The following SPSB4 variants were observed in gnomAD, a reference collection of about 807,000 sequenced individuals.
SPSB4 encodes the protein SPRY domain-containing SOCS box protein 4.
In SPSB4, 21 loss-of-function variants were observed where a neutral mutation model predicts 20.9. The ratio of observed to expected loss-of-function variants is 1.01; its 90% CI spans 0.71 to 1.45. The LOEUF (loss-of-function observed/expected upper bound fraction) is 1.45, where lower values mean the gene tolerates loss of function less well. Ranked by LOEUF, SPSB4 falls within the 40% of genes most tolerant of loss-of-function variation. The probability of loss-of-function intolerance (pLI) is 0.00; values close to 1 mark genes in which losing one functional copy is unlikely to be tolerated. For missense variants in SPSB4, 399 were observed against 399.2 expected (o/e 1.00, Z 0.00); for synonymous variants, 207 against 183.8 (o/e 1.13, Z -1.02).
At chr3:141,112,218 T>C (rs1480855770) in intron 2 of SPSB4, among the ~76,000 whole-genome samples, 1 of 152,198 alleles carries the variant, frequency 6.6e-6, no homozygotes, top group Non-Finnish European at 1.5e-5. Flanking sequence ...AGGGTTGTTA[T>C]GAGGATTAAA....
At chr3:141,099,493 C>CA (rs1938587022) in intron 2 of SPSB4, among the ~76,000 whole-genome samples, 1 of 152,036 alleles carries the variant, frequency 6.6e-6, no homozygotes, top group African/African-American at 2.4e-5. Context: ...ATACATTTAC[C>CA]ACCCATGTTA....
rs569939756 is a variant in SPSB4, at chr3:141,060,557, G to A, written c.-153-5395G>A. ...AGCCCGGGCTGCTATTGCAAAGAGTGCTGCGTATGTATGCAGTATGTATGC... is the reference window on the plus strand; with the variant it reads ...AGCCCGGGCTGCTATTGCAAAGAGTACTGCGTATGTATGCAGTATGTATGC... On this transcript the variant is annotated intron_variant, in intron 1 of 2. Transcript: ENST00000310546. Among the ~76,000 whole-genome samples the A allele has an allele frequency of 3.9e-5, 6 of 152,342 alleles. No individual in the cohort carries two copies. The South Asian group carries it at 1.2e-3, about 32-fold the overall frequency.
intron 2 of SPSB4, among the ~76,000 whole-genome samples, chr3:141,144,865 A>T (rs1939387554): frequency 6.6e-6 from 1 of 152,224 alleles, no homozygotes; most frequent in African/African-American, 2.4e-5. Flanking sequence ...CATTAAAGTG[A>T]TAAGAAAATC....
intron 2 of SPSB4, among the ~76,000 whole-genome samples, chr3:141,102,908 C>A (rs1938633795): frequency 6.6e-6 from 1 of 152,140 alleles, no homozygotes; most frequent in South Asian, 2.1e-4. Context: ...GAGGAAGAGG[C>A]CACATCTCTG....
chr3:141,141,642 C>G (rs1160612160), intron 2 of SPSB4, among the ~76,000 whole-genome samples: 1 of 152,218 alleles, frequency 6.6e-6, no homozygotes, highest in Non-Finnish European at 1.5e-5. Context: ...CTTTGAATAC[C>G]TGATAGAATT....
intron 1 of SPSB4, among the ~76,000 whole-genome samples, chr3:141,065,512 C>T (rs986326185): frequency 6.6e-6 from 1 of 152,214 alleles, no homozygotes; most frequent in African/African-American, 2.4e-5. Context: ...CTCATCCAGG[C>T]TCTGACCTTG....
intron 2 of SPSB4, among the ~76,000 whole-genome samples, chr3:141,071,617 C>T (rs568211992): frequency 7.2e-5 from 11 of 152,298 alleles, no homozygotes; most frequent in Admixed American, 3.9e-4. Context: ...CACAGCTGTG[C>T]TTATACCCAG....
At chr3:141,070,145 G>A (rs1937969741) in intron 2 of SPSB4, among the ~76,000 whole-genome samples, 1 of 152,182 alleles carries the variant, frequency 6.6e-6, no homozygotes, top group African/African-American at 2.4e-5. Context: ...AGTGAACTGA[G>A]AAGTATGGAG....
At chr3:141,127,842 T>G (rs1217120300) in intron 2 of SPSB4, among the ~76,000 whole-genome samples, 1 of 152,200 alleles carries the variant, frequency 6.6e-6, no homozygotes, top group Non-Finnish European at 1.5e-5. Flanking sequence ...AAATATTCTC[T>G]TAGGCCCTGC....
At chr3:141,088,913 A>G (rs1938400024) in intron 2 of SPSB4, among the ~76,000 whole-genome samples, 1 of 152,146 alleles carries the variant, frequency 6.6e-6, no homozygotes, top group African/African-American at 2.4e-5. Context: ...TTTCTCATAG[A>G]GCTCCACAGA....
At chr3:141,092,798 G>A (rs778393383) in intron 2 of SPSB4, among the ~76,000 whole-genome samples, 3 of 152,214 alleles carry the variant, frequency 2.0e-5, no homozygotes, top group Non-Finnish European at 2.9e-5. Context: ...GGCAGTGCAC[G>A]CTCACTGTCT....
In SPSB4 at chr3:141,068,762, C is replaced by T. The variant is rs557040306; in HGVS notation, c.694+1964C>T. 3.7e-4 allele frequency among the ~76,000 whole-genome samples: 56 copies of T among 152,328 alleles called. 1 individual carries two copies. The East Asian group carries it at 6.4e-3, about 17-fold the overall frequency. On this transcript the variant is annotated intron_variant, in intron 2 of 2. Transcript: ENST00000310546. ...CCAAGAGTTACACTCCTGTTGTAGG[C>T]TTCCTCTTGGCTATTAATTCACTTG...
intron 1 of SPSB4, among the ~76,000 whole-genome samples, chr3:141,056,054 G>A (rs973694871): frequency 6.6e-6 from 1 of 152,236 alleles, no homozygotes; most frequent in African/African-American, 2.4e-5. Flanking sequence ...CAATGGACTT[G>A]GGGGTGCCCC....
intron 2 of SPSB4, among the ~76,000 whole-genome samples, chr3:141,072,233 G>A (rs1211732693): frequency 2.0e-5 from 3 of 152,250 alleles, no homozygotes; most frequent in Admixed American, 6.5e-5. Flanking sequence ...CTTTCCCCAA[G>A]TGGTTATGAA....
intron 2 of SPSB4, among the ~76,000 whole-genome samples, chr3:141,134,056 C>CTTTTTTTTTTTTTTTTTTTT (rs1222303281): frequency 6.5e-5 from 4 of 61,636 alleles, no homozygotes; most frequent in Admixed American, 4.4e-4. Context: ...TTTCTTTTTT[C>CTTTTTTTTTTTTTTTTTTTT]TTTTTTTTTT....
chr3:141,057,039 A>T (rs957835251), intron 1 of SPSB4, among the ~76,000 whole-genome samples: 1 of 152,200 alleles, frequency 6.6e-6, no homozygotes, highest in Non-Finnish European at 1.5e-5. Flanking sequence ...GGAGGAGGAG[A>T]GGCTCAGGGA....
chr3:141,084,670 T>C (rs1938308612), intron 2 of SPSB4, among the ~76,000 whole-genome samples: 1 of 152,224 alleles, frequency 6.6e-6, no homozygotes, highest in Non-Finnish European at 1.5e-5. Context: ...CTACTTGTTA[T>C]GGCACAGGCA....
intron 2 of SPSB4, among the ~76,000 whole-genome samples, chr3:141,071,623 C>A (rs181279606): frequency 6.6e-6 from 1 of 152,148 alleles, no homozygotes; most frequent in Non-Finnish European, 1.5e-5. Context: ...TGTGCTTATA[C>A]CCAGCTCTGC....
intron 2 of SPSB4, among the ~76,000 whole-genome samples, chr3:141,069,753 CAT>C (rs1937961029): frequency 6.6e-6 from 1 of 152,210 alleles, no homozygotes; most frequent in Admixed American, 6.5e-5. Flanking sequence ...AGAGCAGACA[CAT>C]AGCAATTGGT....
Sources: gnomAD v4.1 joint callset for allele counts (sites outside exome capture counted in the v4.1 genomes callset) on GRCh38, gnomAD v4.1.1 for gene constraint, MANE v1.5 for transcripts, NCBI Gene and HGNC (gene_info 2026-07-23, HGNC 2026-07-21) for gene names.